The following RORB variants were observed in gnomAD, a reference collection of about 807,000 sequenced individuals.
RORB encodes nuclear receptor ROR-beta.
A neutral mutation model predicts 59.1 loss-of-function variants in RORB; 6 were observed. That is an observed-to-expected ratio of 0.10 (90% CI 0.06 to 0.20). RORB has a LOEUF of 0.20. Among genes scored for constraint, RORB ranks in the 10% least tolerant of loss-of-function variants. The probability of loss-of-function intolerance (pLI) is 1.00; values close to 1 mark genes in which losing one functional copy is unlikely to be tolerated. For missense variants in RORB, 320 were observed against 560.5 expected (o/e 0.57, Z 4.33); for synonymous variants, 215 against 204.5 (o/e 1.05, Z -0.44).
intron 9 of RORB, among the ~76,000 whole-genome samples, chr9:74,677,147 T>C (rs1293607214): frequency 6.6e-6 from 1 of 152,114 alleles, no homozygotes; most frequent in Non-Finnish European, 1.5e-5. Flanking sequence ...GGCTACGACA[T>C]AGAGAGAGTA....
intron 1 of RORB, among the ~76,000 whole-genome samples, chr9:74,509,500 C>A (rs1463304468): frequency 6.6e-6 from 1 of 152,016 alleles, no homozygotes; most frequent in Non-Finnish European, 1.5e-5. Context: ...AAAAATTTCT[C>A]TTCATTCAAT....
At chr9:74,661,860 T>A (rs920861722) in intron 5 of RORB, among the ~76,000 whole-genome samples, 2 of 151,854 alleles carry the variant, frequency 1.3e-5, no homozygotes, top group African/African-American at 2.4e-5. Flanking sequence ...TTAGCCAGGA[T>A]GGTGTCGATC....
chr9:74,654,990 A>G (rs907097948), intron 4 of RORB, among the ~76,000 whole-genome samples: 2 of 152,198 alleles, frequency 1.3e-5, no homozygotes, highest in Admixed American at 6.5e-5. Context: ...TACACACCCA[A>G]TTTTTCCTTG....
At chr9:74,597,461 T>C (rs1822985469) in intron 1 of RORB, among the ~76,000 whole-genome samples, 1 of 152,232 alleles carries the variant, frequency 6.6e-6, no homozygotes, top group Admixed American at 6.5e-5. Flanking sequence ...CATTATTAAA[T>C]TTAAATATCA....
chr9:74,588,218 G>A (rs572166756), intron 1 of RORB, among the ~76,000 whole-genome samples: 70 of 152,240 alleles, frequency 4.6e-4, no homozygotes, highest in Non-Finnish European at 5.7e-4. Flanking sequence ...ATTAAGGCAA[G>A]TCTCTCACTC....
chr9:74,655,666 T>C (rs866303435), intron 4 of RORB, among the ~76,000 whole-genome samples: 2 of 152,272 alleles, frequency 1.3e-5, no homozygotes, highest in Middle Eastern at 6.8e-3. Context: ...CATACTGTAT[T>C]CATTGTCTCT....
intron 9 of RORB, among the ~76,000 whole-genome samples, chr9:74,679,062 A>C (rs7048822): frequency 0.045 from 6,743 of 151,002 alleles, 503 homozygotes; most frequent in African/African-American, 0.15. Flanking sequence ...AACAAACAAA[A>C]AAAAAAACAA....
intron 8 of RORB, 130 bp downstream of exon 8, chr9:74,668,031 T>C: frequency 1.6e-6 from 1 of 622,474 alleles, no homozygotes; most frequent in Non-Finnish European, 2.8e-6. Context: ...ACCAAGTTTT[T>C]GATATTTTTG....
At chr9:74,618,661 C>T (rs13440072) in intron 1 of RORB, among the ~76,000 whole-genome samples, 4 of 152,084 alleles carry the variant, frequency 2.6e-5, no homozygotes, top group African/African-American at 9.7e-5. Flanking sequence ...GGAATGGTCT[C>T]TACTGCGTCT....
chr9:74,505,461 T>G (rs1197378303), intron 1 of RORB, among the ~76,000 whole-genome samples: 1 of 152,112 alleles, frequency 6.6e-6, no homozygotes, highest in Admixed American at 6.6e-5. Context: ...ACTCACATAT[T>G]TATTTATTAA....
chr9:74,608,291 A>C (rs1823180251), intron 1 of RORB, among the ~76,000 whole-genome samples: 1 of 151,952 alleles, frequency 6.6e-6, no homozygotes, highest in Admixed American at 6.6e-5. Flanking sequence ...CTGGGCCGGG[A>C]GCGGTGGCTC....
At chr9:74,665,906 C>A (rs1269268450) in intron 7 of RORB, among the ~76,000 whole-genome samples, 1 of 152,160 alleles carries the variant, frequency 6.6e-6, no homozygotes, top group Non-Finnish European at 1.5e-5. Flanking sequence ...CTTTGGGAGG[C>A]CAAGGGGCGC....
At position 74,671,779 on chromosome 9, in the gene RORB, C is replaced by CG. The variant is rs1269312760; in HGVS notation, c.1112-10_1112-9insG. 6.3e-7 allele frequency: 1 copy of CG among 1,588,252 alleles called. No individual in the cohort carries two copies. The highest frequency in any genetic ancestry group is 8.6e-7 in the Non-Finnish European group (1 of 1,161,182). The stretch of plus-strand genomic sequence containing the variant: ...TGTTCCCTCCACTTACCCACTCTTT[C>CG]TTTCATCAGACCGAGCCTGGCTTAT... On this transcript the variant is annotated splice_polypyrimidine_tract_variant and intron_variant, in intron 8 of 9. Transcript: ENST00000376896.
chr9:74,524,807 G>A (rs149203734), intron 1 of RORB, among the ~76,000 whole-genome samples: 2 of 151,762 alleles, frequency 1.3e-5, no homozygotes, highest in Non-Finnish European at 2.9e-5. Flanking sequence ...AGCCTGCAAA[G>A]ATCACATCTG....
intron 2 of RORB, 147 bp from the exon 3 acceptor site, chr9:74,634,484 C>G (rs1306255209): frequency 3.1e-6 from 2 of 646,360 alleles, no homozygotes; most frequent in Non-Finnish European, 5.0e-6. Context: ...GAAATATCTG[C>G]AAGCCATACA....
Position 74,507,204 on chromosome 9 carries a change from C to T in RORB, c.7+9221C>T, listed in dbSNP as rs757914268. Reference sequence around the variant, plus strand: ...GGAGGCTAAACCATTGGAGAACAGTCGTTTTACTTGAAGTGTTACATATAA... The same window carrying T: ...GGAGGCTAAACCATTGGAGAACAGTTGTTTTACTTGAAGTGTTACATATAA... On this transcript the variant is annotated intron_variant, in intron 1 of 9. Coordinates refer to ENST00000376896, the MANE Select transcript of RORB (RefSeq NM_006914.4). 2.4e-4 allele frequency among the ~76,000 whole-genome samples: 37 copies of T among 152,016 alleles called. 1 individual carries two copies. Among genetic ancestry groups the T allele is most frequent in the Admixed American group, 2.4e-3 (36 of 15,240 alleles).
chr9:74,624,417 T>C (rs1823473545), intron 1 of RORB, among the ~76,000 whole-genome samples: 1 of 152,212 alleles, frequency 6.6e-6, no homozygotes, highest in Non-Finnish European at 1.5e-5. Context: ...GAGATACACA[T>C]GGGCACAATC....
At chr9:74,666,387 G>A (rs536108081) in intron 7 of RORB, among the ~76,000 whole-genome samples, 204 of 152,076 alleles carry the variant, frequency 1.3e-3, no homozygotes, top group African/African-American at 4.6e-3. Flanking sequence ...CTTGACCCTG[G>A]GAGATTGAGG....
chr9:74,510,058 T>C (rs1240049933), intron 1 of RORB, among the ~76,000 whole-genome samples: 1 of 152,164 alleles, frequency 6.6e-6, no homozygotes, highest in East Asian at 1.9e-4. Context: ...ATTAGTCTAC[T>C]GTTAGTGATT....
Sources: allele counts gnomAD v4.1 joint callset (sites outside exome capture counted in the v4.1 genomes callset), GRCh38; gene constraint gnomAD v4.1.1; transcripts MANE v1.5; gene names NCBI Gene and HGNC (gene_info 2026-07-23, HGNC 2026-07-21).